DIP2B: variants seen among roughly 807,000 people sequenced by gnomAD.
DIP2B encodes the protein DIP2 acetate--CoA ligase B (putative).
DIP2B carries 76 observed loss-of-function variants against 198.0 expected under a neutral mutation model. That is an observed-to-expected ratio of 0.38 (90% CI 0.32 to 0.46). DIP2B has a LOEUF of 0.46. DIP2B is among the 20% of genes least tolerant of loss of function. The pLI, the probability that DIP2B is intolerant of heterozygous loss-of-function variation, is 0.99. For missense variants in DIP2B, 1,559 were observed against 1,978.4 expected (o/e 0.79, Z 4.02); for synonymous variants, 701 against 739.1 (o/e 0.95, Z 0.84).
Position 50,505,178 on chromosome 12 carries a change from TG to T in DIP2B, c.40del (p.Ala14ArgfsTer141). The stretch of plus-strand genomic sequence containing the variant: ...GGCCTGGAGCCGTCGCCGGCCGCGG[TG>T]GCGGCGCTGCCGCCTGAAGTGCGGG... ...ERGLEPSPAA[V>X]AALPPEVRAQ... On this transcript the variant is annotated frameshift_variant, in exon 1 of 38. Transcript: ENST00000301180. LOFTEE classifies it high-confidence loss of function. 6.6e-7 allele frequency: 1 copy of T among 1,525,584 alleles called. No homozygotes were observed. 94.5% of individuals were successfully genotyped at this position (1,525,584 alleles called of 1,614,324 possible).
At chr12:50,649,575 C>A (rs889643431) in intron 3 of DIP2B, among the ~76,000 whole-genome samples, 88 of 152,138 alleles carry the variant, frequency 5.8e-4, no homozygotes, top group Non-Finnish European at 1.3e-4. Flanking sequence ...AACTTCAGGC[C>A]AGGTGTGGTG....
At chr12:50,600,886 G>C (rs12825457) in intron 1 of DIP2B, among the ~76,000 whole-genome samples, 71 of 135,084 alleles carry the variant, frequency 5.3e-4, no homozygotes, top group Non-Finnish European at 9.8e-4. Context: ...TCACCACCAT[G>C]ACCACCATCA....
At chr12:50,692,429 C>G (rs1299901430) in intron 13 of DIP2B, among the ~76,000 whole-genome samples, 1 of 152,098 alleles carries the variant, frequency 6.6e-6, no homozygotes, top group Non-Finnish European at 1.5e-5. Flanking sequence ...GCCTAAGTCA[C>G]AAGAAGTTTC....
chr12:50,586,463 C>G (rs1958771319), intron 1 of DIP2B, among the ~76,000 whole-genome samples: 1 of 152,096 alleles, frequency 6.6e-6, no homozygotes, highest in Admixed American at 6.6e-5. Flanking sequence ...GTTCCTAGTT[C>G]AGCACTTTTA....
intron 36 of DIP2B, 110 bp downstream of exon 36, chr12:50,739,696 C>T (rs751179718): frequency 1.3e-4 from 172 of 1,306,802 alleles, no homozygotes; most frequent in African/African-American, 8.0e-4. Context: ...TTACTCCCTT[C>T]GGTGACTCTT....
At chr12:50,631,202 G>A (rs1476148628) in intron 2 of DIP2B, among the ~76,000 whole-genome samples, 2 of 150,918 alleles carry the variant, frequency 1.3e-5, no homozygotes, top group African/African-American at 2.4e-5. Flanking sequence ...TTTGCTCACC[G>A]CAACCTCCAT....
intron 12 of DIP2B, chr12:50,687,036 GA>G: frequency 5.4e-6 from 1 of 186,064 alleles, no homozygotes; most frequent in East Asian, 1.4e-4. Flanking sequence ...AATGAGGAGG[GA>G]AAATAGCTCT....
intron 1 of DIP2B, among the ~76,000 whole-genome samples, chr12:50,613,455 C>T (rs1039438961): frequency 6.6e-5 from 10 of 152,230 alleles, no homozygotes; most frequent in Non-Finnish European, 1.5e-4. Context: ...TCCCAGTGCT[C>T]CAGCACCTAC....
intron 5 of DIP2B, among the ~76,000 whole-genome samples, chr12:50,672,067 A>G (rs1284415568): frequency 6.6e-6 from 1 of 152,188 alleles, no homozygotes; most frequent in African/African-American, 2.4e-5. Context: ...GGTTGTTACA[A>G]ATTACACCAA....
intron 1 of DIP2B, among the ~76,000 whole-genome samples, chr12:50,506,899 G>T (rs940212717): frequency 1.3e-5 from 2 of 152,186 alleles, no homozygotes; most frequent in Non-Finnish European, 2.9e-5. Flanking sequence ...GGATGCTTGC[G>T]TCAGAGGGAG....
intron 3 of DIP2B, among the ~76,000 whole-genome samples, chr12:50,658,801 G>A (rs919860708): frequency 2.0e-5 from 3 of 152,128 alleles, no homozygotes; most frequent in Admixed American, 6.6e-5. Flanking sequence ...GCAAGAAACA[G>A]AAGCTGGCCG....
intron 12 of DIP2B, among the ~76,000 whole-genome samples, 185 bp from the exon 13 acceptor site, chr12:50,690,864 C>T (rs1037116951): frequency 5.9e-5 from 9 of 152,106 alleles, no homozygotes; most frequent in Admixed American, 5.9e-4. Flanking sequence ...CTTTGTCATC[C>T]TCCAATCCTA....
rs558808402 is a variant in DIP2B, at chr12:50,511,725, G to A, written c.100+6485G>A. 1.3e-4 allele frequency among the ~76,000 whole-genome samples: 19 copies of A among 151,756 alleles called. No homozygotes were observed. The East Asian group carries it at 3.3e-3, about 27-fold the overall frequency. On this transcript the variant is annotated intron_variant, in intron 1 of 37. Transcript: ENST00000301180. ...AGCACTTTGGGAGGCCGAGGAGGGC[G>A]GATCACAAGGTCAAGAGATCAAGAC...
chr12:50,640,611 G>A, intron 2 of DIP2B, 113 bp from the exon 3 acceptor site: 2 of 1,127,712 alleles, frequency 1.8e-6, no homozygotes, highest in Non-Finnish European at 2.5e-6. Context: ...ACCCTTTACT[G>A]TAGATGGGGT....
intron 35 of DIP2B, among the ~76,000 whole-genome samples, chr12:50,737,894 A>G (rs1328459844): frequency 1.3e-5 from 2 of 152,042 alleles, no homozygotes; most frequent in South Asian, 2.1e-4. Flanking sequence ...AGCCTCCCCA[A>G]ATCTTTGAAG....
At chr12:50,726,166 T>C (rs1268116507) in intron 28 of DIP2B, among the ~76,000 whole-genome samples, 2 of 152,168 alleles carry the variant, frequency 1.3e-5, no homozygotes, top group Non-Finnish European at 2.9e-5. Context: ...CCCCATGTTA[T>C]GGTGATTTAA....
intron 2 of DIP2B, among the ~76,000 whole-genome samples, chr12:50,638,412 G>A (rs1565853920): frequency 6.6e-6 from 1 of 152,126 alleles, no homozygotes; most frequent in African/African-American, 2.4e-5. Context: ...TTTACATACA[G>A]TTATAATTAT....
intron 3 of DIP2B, among the ~76,000 whole-genome samples, chr12:50,646,197 C>T (rs1340225553): frequency 1.3e-5 from 2 of 151,902 alleles, no homozygotes; most frequent in Non-Finnish European, 2.9e-5. Context: ...GATCTCAGCT[C>T]ACTGCAACCT....
rs760131281 is a variant in DIP2B, at chr12:50,741,544, C to G, written c.4478+5C>G. 1 of 1,611,678 alleles carries G rather than the reference C, an allele frequency of 6.2e-7. No homozygotes were observed. Among genetic ancestry groups the G allele is most frequent in the African/African-American group, 1.3e-5 (1 of 74,924 alleles). On this transcript the variant is annotated splice_donor_5th_base_variant and intron_variant, in intron 37 of 37. Transcript: ENST00000301180. The stretch of plus-strand genomic sequence containing the variant: ...CCACAGAAGCATTGCTGAATGGTAA[C>G]TCCCTCAGCATACACTGTGCTTCCC...
Sources: allele counts gnomAD v4.1 joint callset (sites outside exome capture counted in the v4.1 genomes callset), GRCh38; gene constraint gnomAD v4.1.1; transcripts MANE v1.5; gene names NCBI Gene and HGNC (gene_info 2026-07-23, HGNC 2026-07-21).